ACSF2: variants seen among roughly 807,000 people sequenced by gnomAD.
ACSF2 encodes medium-chain acyl-CoA ligase ACSF2, mitochondrial.
Under a neutral mutation model 79.3 loss-of-function variants are expected in ACSF2, and 52 were observed. That is an observed-to-expected ratio of 0.66 (90% CI 0.53 to 0.83). The LOEUF is 0.83. Among genes scored for constraint, ACSF2 ranks in the 40% least tolerant of loss-of-function variants. The pLI is 0.00. For missense variants in ACSF2, 661 were observed against 803.3 expected, an observed-to-expected ratio of 0.82 and a Z score of 2.14; for synonymous variants, 283 against 312.6, an observed-to-expected ratio of 0.91 and a Z score of 1.00.
rs891383246 is a variant in ACSF2, at chr17:50,427,051, T to C, written c.128+662T>C. On this transcript the variant is annotated intron_variant, in intron 1 of 15. Coordinates refer to ENST00000300441, the MANE Select transcript of ACSF2 (RefSeq NM_025149.6). Reference sequence around the variant, plus strand: ...CGTGAGATGGCAAATGTGAAAGTGCTTGAGACACAGAGAGCAGGCTGCCAC... The same window carrying C: ...CGTGAGATGGCAAATGTGAAAGTGCCTGAGACACAGAGAGCAGGCTGCCAC... 38 of 1,474,146 alleles carry C rather than the reference T, an allele frequency of 2.6e-5. No homozygotes were observed. In the African/African-American group the frequency reaches 4.3e-4, roughly 17 times the overall value. The allele number at this position is 1,474,146 out of a possible 1,614,324, so 91.3% of individuals were successfully genotyped here. A position where few individuals can be genotyped will look rare whatever the true frequency, so the allele number is the denominator to read the frequency against.
chr17:50,467,861 G>C (rs1371049165), intron 10 of ACSF2: 1 of 580,750 alleles, frequency 1.7e-6, no homozygotes, highest in Middle Eastern at 4.1e-4. Flanking sequence ...GCAGCAGACA[G>C]GGATTAGGGT....
rs2143720014 is a variant in ACSF2 at position 50,463,248 on chromosome 17, G to A, written c.885G>A (p.Glu295=). The A allele has an allele frequency of 4.3e-6, 7 of 1,614,110 alleles. No individual in the cohort carries two copies. The highest frequency in any genetic ancestry group is 5.9e-6 in the Non-Finnish European group (7 of 1,180,030). ...TAGGAGAGCGCCTGAAACTGCATGA[G>A]AAGGTGAGGCGGCACTAGGCCCAGG... is the stretch of plus-strand genomic sequence containing the variant. ...NILGERLKLH[E]KTPEQLRMIL... The change falls in exon 7 of 16, where the codon GAG becomes GAA. Residue 295 remains glutamate (E), a synonymous_variant. Transcript: ENST00000300441. The surrounding 1 kb of genome is among the most constrained non-coding windows in gnomAD (Gnocchi z 4.6).
At chr17:50,434,817 A>T (rs554087468) in intron 1 of ACSF2, among the ~76,000 whole-genome samples, 145 of 152,064 alleles carry the variant, frequency 9.5e-4, no homozygotes, top group African/African-American at 3.4e-3. Flanking sequence ...TGGTAGAAAG[A>T]TCATGGGGCT....
intron 1 of ACSF2, among the ~76,000 whole-genome samples, chr17:50,451,957 A>T (rs1212338256): frequency 6.6e-6 from 1 of 152,212 alleles, no homozygotes; most frequent in Non-Finnish European, 1.5e-5. Flanking sequence ...CCTGGCACTC[A>T]GACACTTGGG....
intron 1 of ACSF2, chr17:50,427,090 G>A (rs1915062020): frequency 8.6e-7 from 1 of 1,164,144 alleles, no homozygotes; most frequent in Admixed American, 2.1e-5. Flanking sequence ...TGTTATCAGG[G>A]CTGTTAGCTT....
chr17:50,468,947 C>T (rs1280589606), intron 10 of ACSF2: 1 of 1,404,628 alleles, frequency 7.1e-7, no homozygotes, highest in Non-Finnish European at 9.2e-7. Context: ...GAGCCAGCTC[C>T]TACGTGGAGC....
At chr17:50,462,391 C>T (rs1016112966) in intron 5 of ACSF2, 29 bp from the exon 6 acceptor site, 24 of 1,611,908 alleles carry the variant, frequency 1.5e-5, no homozygotes, top group Non-Finnish European at 2.0e-5. Context: ...CCCTCAGCCC[C>T]TGTCTCTCAC....
chr17:50,472,287 G>C (rs2033156607), intron 11 of ACSF2, 141 bp from the exon 12 acceptor site: 12 of 961,492 alleles, frequency 1.2e-5, no homozygotes, highest in Non-Finnish European at 1.8e-5. Context: ...TCTCTGGATG[G>C]GGATAAGCAG....
rs1262507536 is a variant in ACSF2 at position 50,426,294 on chromosome 17, G to A, written c.33G>A (p.Gly11=). 1 of 1,414,052 alleles carries A rather than the reference G, an allele frequency of 7.1e-7. No homozygotes were observed. Among genetic ancestry groups the A allele is most frequent in the South Asian group, 1.7e-5 (1 of 60,178 alleles). 87.6% of individuals were successfully genotyped at this position (1,414,052 alleles called of 1,614,324 possible). A position where few individuals can be genotyped will look rare whatever the true frequency, so the allele number is the denominator to read the frequency against. The change falls in exon 1 of 16, where the codon GGG becomes GGA. Residue 11 remains glycine, a synonymous_variant. Transcript: ENST00000300441. The part of the protein sequence containing the change: MAVYVGMLRL[G]RLCAGSSGVL... ...TCTACGTCGGGATGCTGCGCCTGGG[G>A]AGGCTGTGCGCCGGGAGCTCGGGGG...
intron 1 of ACSF2, among the ~76,000 whole-genome samples, chr17:50,455,249 C>T (rs1315320830): frequency 1.3e-5 from 2 of 152,196 alleles, no homozygotes; most frequent in African/African-American, 2.4e-5. Flanking sequence ...TCCCAAAGTG[C>T]TGGGATTACA....
intron 1 of ACSF2, among the ~76,000 whole-genome samples, chr17:50,456,647 G>GTT (rs1466843866): frequency 2.0e-5 from 3 of 152,060 alleles, no homozygotes; most frequent in Non-Finnish European, 1.5e-5. Context: ...CAGGAGAATC[G>GTT]TTTGAACCCA....
At position 50,474,395 on chromosome 17, in the gene ACSF2, G is replaced by T; in HGVS notation, c.1798-107G>T. The T allele has an allele frequency of 6.6e-7, 1 of 1,510,572 alleles. No individual in the cohort carries two copies. Among genetic ancestry groups the T allele is most frequent in the Non-Finnish European group, 9.2e-7 (1 of 1,088,880 alleles). The allele number at this position is 1,510,572 out of a possible 1,614,324, so 93.6% of individuals were successfully genotyped here. On this transcript the variant is annotated intron_variant, in intron 15 of 15. Coordinates refer to ENST00000300441, the MANE Select transcript of ACSF2 (RefSeq NM_025149.6). The surrounding 1 kb of genome is among the most constrained non-coding windows in gnomAD (Gnocchi z 4.2). Reference sequence around the variant, plus strand: ...AGGGTGACCGGGTCACCTAATCCTGGTTTGCCTGGGGACTTTCCCTGTTTT... The same window carrying T: ...AGGGTGACCGGGTCACCTAATCCTGTTTTGCCTGGGGACTTTCCCTGTTTT...
intron 1 of ACSF2, among the ~76,000 whole-genome samples, chr17:50,444,652 C>CAT (rs1404503639): frequency 6.6e-6 from 1 of 151,814 alleles, no homozygotes; most frequent in Non-Finnish European, 1.5e-5. Flanking sequence ...CACACACACA[C>CAT]ACACACACAC....
At position 50,465,975 on chromosome 17, in the gene ACSF2, G is replaced by C. The variant is rs1312321950; in HGVS notation, c.1215+1681G>C. On this transcript the variant is annotated intron_variant, in intron 10 of 15. Coordinates refer to ENST00000300441, the MANE Select transcript of ACSF2 (RefSeq NM_025149.6). ...GATCCTTCCCTGAACCTGAGCCATAGCACTTTGAGGAGTTTCCCAGTTTTC... is the reference window on the plus strand; with the variant it reads ...GATCCTTCCCTGAACCTGAGCCATACCACTTTGAGGAGTTTCCCAGTTTTC... 1.4e-5 allele frequency: 18 copies of C among 1,263,294 alleles called. No individual in the cohort carries two copies. The East Asian group carries it at 2.1e-4, about 15-fold the overall frequency. The allele number at this position is 1,263,294 out of a possible 1,614,324, so 78.3% of individuals were successfully genotyped here. A position where few individuals can be genotyped will look rare whatever the true frequency, so the allele number is the denominator to read the frequency against.
chr17:50,446,837 G>A (rs1346103237), intron 1 of ACSF2, among the ~76,000 whole-genome samples: 1 of 152,274 alleles, frequency 6.6e-6, no homozygotes, highest in East Asian at 1.9e-4. Context: ...TAGTTCCTTT[G>A]CTCTCATTAT....
At chr17:50,429,610 C>G (rs1364418463) in intron 1 of ACSF2, among the ~76,000 whole-genome samples, 1 of 151,918 alleles carries the variant, frequency 6.6e-6, no homozygotes, top group Non-Finnish European at 1.5e-5. Context: ...ACCTCCGCCT[C>G]CTGGGTTCAA....
intron 10 of ACSF2, chr17:50,465,151 G>T: frequency 1.1e-6 from 1 of 919,786 alleles, no homozygotes; most frequent in Non-Finnish European, 1.6e-6. Context: ...CCTTCAACAG[G>T]GGACCCAGTC....
chr17:50,473,988 C>A lies in ACSF2; in HGVS notation c.1712C>A (p.Ala571Asp). The A allele has an allele frequency of 6.6e-7, 1 of 1,514,802 alleles. No individual in the cohort carries two copies. Among genetic ancestry groups the A allele is most frequent in the Non-Finnish European group, 8.8e-7 (1 of 1,130,972 alleles). 93.8% of individuals were successfully genotyped at this position (1,514,802 alleles called of 1,614,324 possible). A position where few individuals can be genotyped will look rare whatever the true frequency, so the allele number is the denominator to read the frequency against. Residue 571 changes from alanine (A) to aspartate (D), a missense_variant, in exon 14 of 16, where the codon GCT becomes GAT. By Grantham distance (126) the Ala-to-Asp change is moderately radical. Transcript: ENST00000300441. Reference protein sequence around the residue: ...GEETTVEEIKAFCKGKISHFK... With the variant: ...GEETTVEEIKDFCKGKISHFK... ...GAGACCACGGTGGAGGAGATAAAAGCTTTCTGCAAAGGGAAGGTGGGAGCC... is the reference window on the plus strand; with the variant it reads ...GAGACCACGGTGGAGGAGATAAAAGATTTCTGCAAAGGGAAGGTGGGAGCC...
intron 1 of ACSF2, among the ~76,000 whole-genome samples, chr17:50,437,002 C>T (rs115030381): frequency 6.6e-6 from 1 of 152,130 alleles, no homozygotes; most frequent in Non-Finnish European, 1.5e-5. Flanking sequence ...CAGCATTGTC[C>T]TTCCTGCACA....
Sources: gnomAD v4.1 joint callset for allele counts (sites outside exome capture counted in the v4.1 genomes callset) on GRCh38, gnomAD v4.1.1 for gene constraint, Gnocchi (gnomAD v3.1) non-coding constraint, MANE v1.5 for transcripts, NCBI Gene and HGNC (gene_info 2026-07-23, HGNC 2026-07-21) for gene names.